Variants in NR2F1-AS1 observed in about 807,000 individuals in gnomAD.
NR2F1-AS1 encodes the protein NR2F1 regulatory antisense RNA 1, also known as NR2F1 antisense RNA 1.
intron 4 of NR2F1-AS1, among the ~76,000 whole-genome samples, chr5:93,465,624 G>A (rs1302496138): frequency 2.6e-5 from 4 of 152,092 alleles, no homozygotes; most frequent in Non-Finnish European, 4.4e-5. Context: ...ACACATGCAC[G>A]TGTATGTTTA....
chr5:93,488,209 G>T (rs1223783291), intron 4 of NR2F1-AS1, among the ~76,000 whole-genome samples: 1 of 152,058 alleles, frequency 6.6e-6, no homozygotes, highest in Non-Finnish European at 1.5e-5. Flanking sequence ...AAAATCAAAA[G>T]TAATGGCAAC....
At chr5:93,480,852 A>G (rs1051348924) in intron 4 of NR2F1-AS1, among the ~76,000 whole-genome samples, 1 of 152,092 alleles carries the variant, frequency 6.6e-6, no homozygotes, top group East Asian at 1.9e-4. Context: ...GGTAACCACT[A>G]AGAAAATAAT....
intron 4 of NR2F1-AS1, among the ~76,000 whole-genome samples, chr5:93,474,917 A>G (rs1273670276): frequency 6.6e-6 from 1 of 152,264 alleles, no homozygotes; most frequent in East Asian, 1.9e-4. Flanking sequence ...CAAGGTCAGG[A>G]GATCGAGACC....
Position 93,440,193 on chromosome 5 carries a change from G to GTCTC in NR2F1-AS1, n.639-44655_639-44652dup, listed in dbSNP as rs374272400. Among the ~76,000 whole-genome samples, 491 of 144,022 alleles carry GTCTC rather than the reference G, an allele frequency of 3.4e-3. 3 individuals are homozygous for GTCTC. Among genetic ancestry groups the GTCTC allele is most frequent in the African/African-American group, 0.011 (443 of 39,158 alleles). The allele number at this position is 144,022 out of a possible 152,430, so 94.5% of individuals were successfully genotyped here. ...TTTCTCTCGCTCGCTCTCTCTCTCT[G>GTCTC]TCTCTCTCTCTCTCTCTCTCTCTCT... On this transcript the variant is annotated intron_variant and non_coding_transcript_variant, in intron 4 of 5. Transcript: ENST00000660523.
intron 3 of NR2F1-AS1, chr5:93,554,840 G>A (rs1280830949): frequency 6.6e-6 from 1 of 152,160 alleles, no homozygotes; most frequent in African/African-American, 2.4e-5. Context: ...GTTAGCACAG[G>A]AAGGATGATG....
chr5:93,541,544 C>T (rs1026780677), intron 4 of NR2F1-AS1, among the ~76,000 whole-genome samples: 5 of 152,140 alleles, frequency 3.3e-5, no homozygotes, highest in African/African-American at 1.2e-4. Flanking sequence ...TTTCTTACTG[C>T]TTGGTTGGTA....
intron 4 of NR2F1-AS1, among the ~76,000 whole-genome samples, chr5:93,523,772 A>G (rs968196535): frequency 6.6e-6 from 1 of 152,218 alleles, no homozygotes; most frequent in African/African-American, 2.4e-5. Context: ...CCTGACTGTT[A>G]GAAGGAAAAT....
intron 4 of NR2F1-AS1, among the ~76,000 whole-genome samples, chr5:93,448,519 A>C (rs1263606638): frequency 6.6e-6 from 1 of 152,184 alleles, no homozygotes; most frequent in Non-Finnish European, 1.5e-5. Flanking sequence ...AGGGATGGGG[A>C]TGCAAAACAA....
chr5:93,517,866 T>G (rs1023684168), intron 4 of NR2F1-AS1, among the ~76,000 whole-genome samples: 4 of 152,154 alleles, frequency 2.6e-5, no homozygotes, highest in Non-Finnish European at 5.9e-5. Flanking sequence ...AATGAGACTA[T>G]GTGGGTGACC....
At chr5:93,564,103 A>C (rs1752559358) in intron 1 of NR2F1-AS1, among the ~76,000 whole-genome samples, 1 of 25,832 alleles carries the variant, frequency 3.9e-5, no homozygotes. Context: ...CTCCGTCTCA[A>C]AAAAAAAAAA....
intron 4 of NR2F1-AS1, among the ~76,000 whole-genome samples, chr5:93,445,880 G>C (rs1749693360): frequency 6.6e-6 from 1 of 152,194 alleles, no homozygotes; most frequent in South Asian, 2.1e-4. Context: ...TCCCTGGGAT[G>C]CAAGGCTGGT....
intron 4 of NR2F1-AS1, among the ~76,000 whole-genome samples, chr5:93,419,310 A>G (rs758424039): frequency 6.6e-6 from 1 of 152,270 alleles, no homozygotes; most frequent in Admixed American, 6.5e-5. Flanking sequence ...ATGTGTACAA[A>G]GGGAAATTAC....
intron 4 of NR2F1-AS1, among the ~76,000 whole-genome samples, chr5:93,420,606 A>C (rs1749069304): frequency 6.6e-6 from 1 of 152,202 alleles, no homozygotes; most frequent in South Asian, 2.1e-4. Context: ...AGAGGCCAAC[A>C]AAATGTCAAA....
chr5:93,579,947 G>C lies in NR2F1-AS1; in HGVS notation n.313+520C>G, dbSNP rs1361821746. On this transcript the variant is annotated intron_variant and non_coding_transcript_variant, in intron 1 of 5. Transcript: ENST00000660523. The surrounding 1 kb of genome is among the most constrained non-coding windows in gnomAD (Gnocchi z 5.1). ...AGCCATCGATCGCGTTACATTAGGG[G>C]ATGGCGTTACAAACGGCGTCCGCAG... Among the ~76,000 whole-genome samples, 2 of 152,240 alleles carry C rather than the reference G, an allele frequency of 1.3e-5. No individual in the cohort carries two copies. The highest frequency in any genetic ancestry group is 2.9e-5 in the Non-Finnish European group (2 of 68,036).
chr5:93,473,463 C>T (rs962860770), intron 4 of NR2F1-AS1, among the ~76,000 whole-genome samples: 2 of 151,612 alleles, frequency 1.3e-5, no homozygotes, highest in Non-Finnish European at 2.9e-5. Flanking sequence ...GGAAGCCTCC[C>T]GTTGCCTCAC....
rs374216058 is a variant in NR2F1-AS1, at chr5:93,423,527, T to C, written n.639-27985A>G. 1.9e-4 allele frequency among the ~76,000 whole-genome samples: 29 copies of C among 152,290 alleles called. No individual in the cohort carries two copies. In the South Asian group the frequency reaches 5.8e-3, roughly 30 times the overall value. On this transcript the variant is annotated intron_variant and non_coding_transcript_variant, in intron 4 of 5. Transcript: ENST00000660523. ...TATTTCCTGAATACAGACTCAAACA[T>C]TGCTTTGCACTGAGATCAGGATTAT...
At chr5:93,552,672 A>C (rs1393786454) in intron 4 of NR2F1-AS1, among the ~76,000 whole-genome samples, 4 of 136,812 alleles carry the variant, frequency 2.9e-5, no homozygotes, top group Admixed American at 7.2e-5. Flanking sequence ...TAACAATTAC[A>C]AAAAAAAAAA....
At chr5:93,462,171 A>C (rs183410960) in intron 4 of NR2F1-AS1, among the ~76,000 whole-genome samples, 255 of 152,272 alleles carry the variant, frequency 1.7e-3, no homozygotes, top group Non-Finnish European at 2.3e-3. Flanking sequence ...CTCATCTTGA[A>C]TTGTAACCCC....
chr5:93,438,876 G>A (rs1026298410), intron 4 of NR2F1-AS1: 19 of 152,178 alleles, frequency 1.2e-4, no homozygotes, highest in Non-Finnish European at 2.5e-4. Flanking sequence ...AACCTTAGTG[G>A]AACTGCCAGA....
Sources: allele counts gnomAD v4.1 joint callset (sites outside exome capture counted in the v4.1 genomes callset), GRCh38; gene constraint gnomAD v4.1.1; non-coding constraint Gnocchi (gnomAD v3.1); transcripts MANE v1.5; gene names NCBI Gene and HGNC (gene_info 2026-07-23, HGNC 2026-07-21).